The following COMMD1 variants were observed in gnomAD, a reference collection of about 807,000 sequenced individuals.
The protein encoded by COMMD1 is COMM domain-containing protein 1.
In COMMD1, 10 loss-of-function variants were observed where a neutral mutation model predicts 17.2. That is an observed-to-expected ratio of 0.58 (90% CI 0.36 to 0.99). The LOEUF (loss-of-function observed/expected upper bound fraction) is 0.99, where lower values mean the gene tolerates loss of function less well. COMMD1 is among the 50% of genes least tolerant of loss of function. The pLI is 0.01. For missense variants in COMMD1, 270 were observed against 231.8 expected, an observed-to-expected ratio of 1.17 and a Z score of -1.07; for synonymous variants, 97 against 91.6, an observed-to-expected ratio of 1.06 and a Z score of -0.34.
At chr2:62,009,942 T>C (rs1669232309) in intron 2 of COMMD1, among the ~76,000 whole-genome samples, 1 of 152,162 alleles carries the variant, frequency 6.6e-6, no homozygotes, top group African/African-American at 2.4e-5. Context: ...TTAATGCTTT[T>C]TAGTTTTGAA....
intron 2 of COMMD1, among the ~76,000 whole-genome samples, chr2:62,067,963 T>G (rs978198052): frequency 1.3e-5 from 2 of 152,236 alleles, no homozygotes; most frequent in Non-Finnish European, 2.9e-5. Context: ...TTATTAATTG[T>G]TAATCCCATT....
intron 2 of COMMD1, among the ~76,000 whole-genome samples, chr2:62,122,937 T>C (rs1333556838): frequency 6.6e-6 from 1 of 152,158 alleles, no homozygotes; most frequent in East Asian, 1.9e-4. Flanking sequence ...ACCACAGCAG[T>C]AGGAGGGTAT....
rs1340382082 is a variant in COMMD1 at position 62,131,180 on chromosome 2, T to G, written c.463-4651T>G. 2.6e-5 allele frequency among the ~76,000 whole-genome samples: 4 copies of G among 152,332 alleles called. 1 individual carries two copies. Among genetic ancestry groups the G allele is most frequent in the Admixed American group, 2.6e-4 (4 of 15,302 alleles). On this transcript the variant is annotated intron_variant, in intron 2 of 2. Transcript: ENST00000311832. ...TGAATATTTTGCCTTTGCTTTCCATTGTAATTTGGAATGGCTATTTAAACC... is the reference window on the plus strand; with the variant it reads ...TGAATATTTTGCCTTTGCTTTCCATGGTAATTTGGAATGGCTATTTAAACC...
intron 2 of COMMD1, among the ~76,000 whole-genome samples, chr2:62,032,801 C>A (rs1669944688): frequency 2.0e-5 from 3 of 152,102 alleles, no homozygotes; most frequent in Admixed American, 6.6e-5. Flanking sequence ...GACACAGTCT[C>A]ACTCTGTTGT....
Position 61,992,990 on chromosome 2 carries a change from A to C in COMMD1, c.181-7711A>C, listed in dbSNP as rs188439540. Among the ~76,000 whole-genome samples, 349 of 152,332 alleles carry C rather than the reference A, an allele frequency of 2.3e-3. 3 individuals carry two copies. Among genetic ancestry groups the C allele is most frequent in the East Asian group, 4.4e-3 (23 of 5,188 alleles). ...TATACTTATAAAAATCTTTACAAACATTAATACTTGTACTACTACTACTGC... is the reference window on the plus strand; with the variant it reads ...TATACTTATAAAAATCTTTACAAACCTTAATACTTGTACTACTACTACTGC... On this transcript the variant is annotated intron_variant, in intron 1 of 2. Transcript: ENST00000311832.
At chr2:61,953,799 G>A (rs1671121044) in intron 1 of COMMD1, among the ~76,000 whole-genome samples, 1 of 152,162 alleles carries the variant, frequency 6.6e-6, no homozygotes, top group African/African-American at 2.4e-5. Context: ...TAATAGATGT[G>A]TAGTAGTACC....
At chr2:62,104,979 G>A (rs914085391) in intron 2 of COMMD1, among the ~76,000 whole-genome samples, 1 of 151,946 alleles carries the variant, frequency 6.6e-6, no homozygotes, top group Non-Finnish European at 1.5e-5. Context: ...TACAAAATTA[G>A]CCAGGCATGA....
At chr2:61,976,370 T>C (rs1282374680) in intron 1 of COMMD1, among the ~76,000 whole-genome samples, 1 of 152,156 alleles carries the variant, frequency 6.6e-6, no homozygotes. Flanking sequence ...AGTAGCTACA[T>C]TAATTTCAGA....
chr2:61,936,073 C>T (rs1670599623), intron 1 of COMMD1, among the ~76,000 whole-genome samples: 1 of 152,118 alleles, frequency 6.6e-6, no homozygotes, highest in Non-Finnish European at 1.5e-5. Context: ...CGGCCTTGGC[C>T]TCCCAAAGTG....
chr2:61,953,257 G>A (rs1460598910), intron 1 of COMMD1, among the ~76,000 whole-genome samples: 5 of 152,102 alleles, frequency 3.3e-5, no homozygotes, highest in Admixed American at 3.3e-4. Flanking sequence ...TAATCTGCCA[G>A]CCTCGGCCTC....
chr2:62,099,349 C>A (rs2122382), intron 2 of COMMD1, among the ~76,000 whole-genome samples: 57,016 of 151,928 alleles, frequency 0.38, 11,580 homozygotes, highest in African/African-American at 0.54. Context: ...TCGGGAGCCT[C>A]AGTTTTCTAA....
chr2:62,059,928 C>A (rs748131677), intron 2 of COMMD1, among the ~76,000 whole-genome samples: 1 of 150,362 alleles, frequency 6.7e-6, no homozygotes, highest in Non-Finnish European at 1.5e-5. Context: ...TTACTTCTTA[C>A]AGCTTAATGA....
intron 2 of COMMD1, among the ~76,000 whole-genome samples, chr2:62,117,773 G>C (rs181263748): frequency 1.3e-5 from 2 of 152,170 alleles, no homozygotes; most frequent in Non-Finnish European, 2.9e-5. Context: ...CGATTTGTCA[G>C]ACTTTTCCCA....
chr2:61,941,115 A>C (rs1207421570), intron 1 of COMMD1, among the ~76,000 whole-genome samples: 5 of 140,192 alleles, frequency 3.6e-5, no homozygotes, highest in African/African-American at 5.4e-5. Context: ...GCAACCTCCG[A>C]CTCCCGGGTT....
intron 2 of COMMD1, among the ~76,000 whole-genome samples, chr2:62,070,953 C>T (rs901096199): frequency 6.6e-6 from 1 of 152,124 alleles, no homozygotes; most frequent in Non-Finnish European, 1.5e-5. Flanking sequence ...ATCACTTGAA[C>T]CTGGGACATG....
chr2:61,949,984 A>G lies in COMMD1; in HGVS notation c.180+44126A>G, dbSNP rs181759988. On this transcript the variant is annotated intron_variant, in intron 1 of 2. Coordinates refer to ENST00000311832, the MANE Select transcript of COMMD1 (RefSeq NM_152516.4). ...AGCCAAGGTCTCAGGACACAAAATG[A>G]AACAAACAGGACACTATGGCTATCC... 2.4e-4 allele frequency among the ~76,000 whole-genome samples: 37 copies of G among 152,344 alleles called. No homozygotes were observed. The East Asian group carries it at 7.1e-3, about 29-fold the overall frequency.
At chr2:61,904,656 T>C (rs1398473472), upstream of COMMD1, among the ~76,000 whole-genome samples, 1 of 152,264 alleles carries the variant, frequency 6.6e-6, no homozygotes, top group Admixed American at 6.5e-5. Flanking sequence ...CTTTTCATTT[T>C]ATGATAAATT....
At chr2:62,035,743 TAAAAA>T (rs763075178) in intron 2 of COMMD1, among the ~76,000 whole-genome samples, 3 of 95,024 alleles carry the variant, frequency 3.2e-5, no homozygotes, top group African/African-American at 1.2e-4. Context: ...CTGTCTCAAT[TAAAAA>T]AAAAAAAAAA....
chr2:61,906,951 G>T (rs539471964), intron 1 of COMMD1, among the ~76,000 whole-genome samples: 3 of 152,186 alleles, frequency 2.0e-5, no homozygotes, highest in African/African-American at 7.2e-5. Flanking sequence ...TACAGGATTT[G>T]AATCCAGAAA....
Sources: gnomAD v4.1 joint callset for allele counts (sites outside exome capture counted in the v4.1 genomes callset) on GRCh38, gnomAD v4.1.1 for gene constraint, MANE v1.5 for transcripts, NCBI Gene and HGNC (gene_info 2026-07-23, HGNC 2026-07-21) for gene names.